The following STAU2 variants were observed in gnomAD, a reference collection of about 807,000 sequenced individuals.
STAU2 encodes double-stranded RNA-binding protein Staufen homolog 2.
STAU2 carries 20 observed loss-of-function variants against 65.9 expected under a neutral mutation model. The ratio of observed to expected loss-of-function variants is 0.30; its 90% CI spans 0.21 to 0.44. STAU2 has a LOEUF of 0.44. STAU2 is among the 20% of genes least tolerant of loss of function. STAU2 has a pLI of 1.00. For missense variants in STAU2, 558 were observed against 683.9 expected (o/e 0.82, Z 2.05); for synonymous variants, 232 against 233.9 (o/e 0.99, Z 0.07).
chr8:73,662,787 TG>T (rs1269512261), intron 6 of STAU2, among the ~76,000 whole-genome samples: 1 of 152,162 alleles, frequency 6.6e-6, no homozygotes, highest in African/African-American at 2.4e-5. Context: ...AGGCTAATTT[TG>T]TATTTTTAGT....
At chr8:73,445,480 A>C (rs1818417933) in intron 13 of STAU2, among the ~76,000 whole-genome samples, 7 of 152,392 alleles carry the variant, frequency 4.6e-5, no homozygotes, top group Admixed American at 4.6e-4. Context: ...ATTTTTTAAA[A>C]CACAATTACC....
chr8:73,747,350 C>T, upstream of STAU2: 4 of 1,532,834 alleles, frequency 2.6e-6, no homozygotes, highest in Non-Finnish European at 3.5e-6. Context: ...TCTGCTCTTT[C>T]TGGTCCGCAC....
intron 13 of STAU2, among the ~76,000 whole-genome samples, chr8:73,465,152 C>T (rs1030762762): frequency 3.3e-5 from 5 of 152,318 alleles, no homozygotes; most frequent in East Asian, 1.9e-4. Flanking sequence ...GAGCCCACCC[C>T]GGCCCACACT....
At chr8:73,518,947 A>C (rs1003280638) in intron 13 of STAU2, among the ~76,000 whole-genome samples, 1 of 152,368 alleles carries the variant, frequency 6.6e-6, no homozygotes, top group South Asian at 2.1e-4. Flanking sequence ...AAAAAAATCA[A>C]CAAATACGAA....
At chr8:73,488,341 A>C (rs1821015479) in intron 13 of STAU2, among the ~76,000 whole-genome samples, 1 of 152,046 alleles carries the variant, frequency 6.6e-6, no homozygotes, top group Non-Finnish European at 1.5e-5. Context: ...CAAGTTTTCT[A>C]TTTAGAAGAC....
intron 10 of STAU2, among the ~76,000 whole-genome samples, chr8:73,599,303 C>T (rs796882809): frequency 4.6e-5 from 7 of 152,182 alleles, no homozygotes; most frequent in African/African-American, 1.7e-4. Flanking sequence ...TCTTGTTCTT[C>T]TAAAAGCATT....
chr8:73,716,064 G>A (rs1821227196), intron 3 of STAU2, among the ~76,000 whole-genome samples: 1 of 150,666 alleles, frequency 6.6e-6, no homozygotes, highest in Non-Finnish European at 1.5e-5. Context: ...ACAGGCATGC[G>A]CCACCATGCC....
intron 13 of STAU2, among the ~76,000 whole-genome samples, chr8:73,495,668 T>A (rs1563625273): frequency 3.7e-5 from 2 of 53,834 alleles, no homozygotes; most frequent in Non-Finnish European, 1.2e-4. Context: ...GCCAAATATA[T>A]ATATATATAT....
intron 12 of STAU2, among the ~76,000 whole-genome samples, chr8:73,571,646 T>G (rs887129314): frequency 3.9e-5 from 6 of 152,228 alleles, no homozygotes; most frequent in Admixed American, 3.9e-4. Context: ...GCTGAATGAC[T>G]ACTGGGTACA....
Position 73,651,544 on chromosome 8 carries a change from T to C in STAU2, c.410+21563A>G, listed in dbSNP as rs546165200. The C allele has an allele frequency of 9.9e-5, 84 of 845,590 alleles. 1 individual carries two copies. The highest frequency in any genetic ancestry group is 3.6e-4 in the Admixed American group (20 of 54,992). The allele number at this position is 845,590 out of a possible 1,614,324, so 52.4% of individuals were successfully genotyped here. Reference sequence around the variant, plus strand: ...ACTCACCGTCTTCTGGCCTTGCCAATGGCCTGCACCTGCTGTGCCCTTGGG... The same window carrying C: ...ACTCACCGTCTTCTGGCCTTGCCAACGGCCTGCACCTGCTGTGCCCTTGGG... On this transcript the variant is annotated intron_variant, in intron 6 of 14. Coordinates refer to ENST00000524300, the MANE Select transcript of STAU2 (RefSeq NM_001164380.2).
intron 6 of STAU2, among the ~76,000 whole-genome samples, chr8:73,633,172 G>A (rs563207125): frequency 6.6e-6 from 1 of 152,328 alleles, no homozygotes; most frequent in East Asian, 1.9e-4. Flanking sequence ...TGCCGGCACT[G>A]AGCATGCAGT....
intron 6 of STAU2, 66 bp downstream of exon 6, chr8:73,673,041 T>C (rs1817795016): frequency 7.3e-7 from 1 of 1,367,418 alleles, no homozygotes; most frequent in South Asian, 1.9e-5. Context: ...CTCTTTTGAG[T>C]GTGAGAAACT....
intron 6 of STAU2, among the ~76,000 whole-genome samples, chr8:73,668,805 C>G (rs1817433465): frequency 6.6e-6 from 1 of 152,002 alleles, no homozygotes; most frequent in Non-Finnish European, 1.5e-5. Context: ...TTTTTTTCTC[C>G]ACTCATCATT....
intron 13 of STAU2, among the ~76,000 whole-genome samples, chr8:73,488,988 AT>A (rs929366266): frequency 2.6e-5 from 4 of 151,090 alleles, no homozygotes; most frequent in African/African-American, 9.7e-5. Context: ...GTCTGGGTCA[AT>A]TTTTTTTTCT....
At chr8:73,510,391 T>C (rs930536658) in intron 13 of STAU2, among the ~76,000 whole-genome samples, 17 of 152,166 alleles carry the variant, frequency 1.1e-4, no homozygotes, top group Non-Finnish European at 4.4e-5. Context: ...TTCTTTACAG[T>C]AAAAAATTAA....
At chr8:73,598,308 A>G (rs1586089617) in intron 10 of STAU2, among the ~76,000 whole-genome samples, 1 of 150,704 alleles carries the variant, frequency 6.6e-6, no homozygotes, top group African/African-American at 2.5e-5. Context: ...GCTCACTGCA[A>G]CCTCCACCTT....
intron 13 of STAU2, among the ~76,000 whole-genome samples, chr8:73,501,004 A>C (rs1449163733): frequency 6.6e-6 from 1 of 151,940 alleles, no homozygotes. Context: ...GAAGGCAAAC[A>C]CAAAAGATTC....
intron 3 of STAU2, among the ~76,000 whole-genome samples, chr8:73,717,516 T>C (rs1821332891): frequency 6.6e-6 from 1 of 152,260 alleles, no homozygotes; most frequent in Non-Finnish European, 1.5e-5. Context: ...AAGGCTACAT[T>C]TCTCCCACTA....
chr8:73,537,135 G>C (rs551718027), intron 13 of STAU2, among the ~76,000 whole-genome samples: 1 of 152,190 alleles, frequency 6.6e-6, no homozygotes, highest in South Asian at 2.1e-4. Flanking sequence ...GGAAAGAACA[G>C]AAGAAAGTAT....
Sources: gnomAD v4.1 joint callset for allele counts (sites outside exome capture counted in the v4.1 genomes callset) on GRCh38, gnomAD v4.1.1 for gene constraint, MANE v1.5 for transcripts, NCBI Gene and HGNC (gene_info 2026-07-23, HGNC 2026-07-21) for gene names.